SLC7A11: variants seen among roughly 807,000 people sequenced by gnomAD.
SLC7A11 encodes solute carrier family 7 member 11, also known as cystine/glutamate transporter.
A neutral mutation model predicts 54.5 loss-of-function variants in SLC7A11; 35 were observed. The ratio of observed to expected loss-of-function variants is 0.64; its 90% CI spans 0.49 to 0.85. The LOEUF (loss-of-function observed/expected upper bound fraction) is 0.85. Among genes scored for constraint, SLC7A11 ranks in the 40% least tolerant of loss-of-function variants. The pLI, the probability that SLC7A11 is intolerant of heterozygous loss-of-function variation, is 0.00. For synonymous variants in SLC7A11, 230 were observed against 225.2 expected (o/e 1.02, Z -0.19); for missense variants, 583 against 618.1 (o/e 0.94, Z 0.60).
At chr4:138,193,852 AATG>A (rs1213444398) in intron 6 of SLC7A11, among the ~76,000 whole-genome samples, 1 of 152,142 alleles carries the variant, frequency 6.6e-6, no homozygotes. Context: ...CCTAAATATG[AATG>A]ATTATATAGG....
At chr4:138,199,939 G>A (rs1438221409) in intron 6 of SLC7A11, among the ~76,000 whole-genome samples, 3 of 152,038 alleles carry the variant, frequency 2.0e-5, no homozygotes, top group Non-Finnish European at 2.9e-5. Context: ...GCACTGTGAG[G>A]AATAAATAGC....
chr4:138,176,244 T>A (rs1440876433), intron 11 of SLC7A11: 1 of 152,214 alleles, frequency 6.6e-6, no homozygotes, highest in Non-Finnish European at 1.5e-5. Flanking sequence ...TGCTTTTTGC[T>A]ACTCACTTTC....
chr4:138,173,746 C>G (rs1325648800), intron 11 of SLC7A11, among the ~76,000 whole-genome samples: 1 of 151,990 alleles, frequency 6.6e-6, no homozygotes, highest in African/African-American at 2.4e-5. Context: ...CCAGCACAGT[C>G]TCGGTAAATT....
chr4:138,228,355 C>A (rs1737991892), intron 3 of SLC7A11, among the ~76,000 whole-genome samples: 1 of 151,622 alleles, frequency 6.6e-6, no homozygotes, highest in Admixed American at 6.6e-5. Flanking sequence ...TATATAGGGT[C>A]CAATTTCAGG....
chr4:138,232,406 G>C, intron 2 of SLC7A11, 24 bp from the exon 3 acceptor site: 1 of 1,374,774 alleles, frequency 7.3e-7, no homozygotes, highest in East Asian at 2.3e-5. Context: ...TATATATTTA[G>C]GTTAACCACA....
At chr4:138,208,364 C>T (rs1274630069) in intron 6 of SLC7A11, among the ~76,000 whole-genome samples, 1 of 152,048 alleles carries the variant, frequency 6.6e-6, no homozygotes, top group Non-Finnish European at 1.5e-5. Flanking sequence ...GACAAAGTGG[C>T]TAATCTCAGA....
chr4:138,221,322 A>C (rs934326229), intron 4 of SLC7A11, among the ~76,000 whole-genome samples: 2 of 152,216 alleles, frequency 1.3e-5, no homozygotes, highest in African/African-American at 4.8e-5. Flanking sequence ...ACAAACTCTC[A>C]TAAGTGAATA....
intron 10 of SLC7A11, among the ~76,000 whole-genome samples, chr4:138,180,097 T>C (rs1442919599): frequency 1.3e-5 from 2 of 152,106 alleles, no homozygotes; most frequent in South Asian, 2.1e-4. Context: ...GGTAAATGGG[T>C]ATCAAGTGGT....
intron 1 of SLC7A11, among the ~76,000 whole-genome samples, chr4:138,237,737 A>ATATATTTTT (rs1560742768): frequency 2.0e-4 from 2 of 9,828 alleles, no homozygotes; most frequent in Non-Finnish European, 3.3e-4. Context: ...ATATATATAT[A>ATATATTTTT]TTTTTTTTTT....
At chr4:138,198,484 T>C (rs565139892) in intron 6 of SLC7A11, among the ~76,000 whole-genome samples, 60 of 152,310 alleles carry the variant, frequency 3.9e-4, no homozygotes, top group African/African-American at 1.4e-3. Context: ...ATCAAATGAA[T>C]GCATTTTCAA....
rs1302201998 is a variant in SLC7A11 at position 138,230,004 on chromosome 4, CTGT to C, written c.520+2260_520+2262del. On this transcript the variant is annotated intron_variant, in intron 3 of 11. Transcript: ENST00000280612. ...AAGAAAATGGTGAATATAACAATGG[CTGT>C]TAGTTCAGTCCCTTAGTGGAACAGT... 3.9e-5 allele frequency among the ~76,000 whole-genome samples: 6 copies of C among 152,138 alleles called. No individual in the cohort carries two copies. The East Asian group carries it at 1.2e-3, about 29-fold the overall frequency.
rs1323478031 is a variant in SLC7A11, at chr4:138,241,842, C to T, written c.228G>A (p.Val76=). Reference sequence around the variant, plus strand: ...CCGTCCAGATGGTCAGAGACATGCCCACGCTGCCCGTGTTCTGGAGCACGC... The same window carrying T: ...CCGTCCAGATGGTCAGAGACATGCCTACGCTGCCCGTGTTCTGGAGCACGC... ...PKGVLQNTGS[V]GMSLTIWTVC... is the part of the protein sequence containing the mutation. Residue 76 remains valine (V), a synonymous_variant, in exon 1 of 12, where the codon GTG becomes GTA. Coordinates refer to ENST00000280612, the MANE Select transcript of SLC7A11 (RefSeq NM_014331.4). 1.2e-6 allele frequency: 2 copies of T among 1,614,004 alleles called. No individual in the cohort carries two copies. Among genetic ancestry groups the T allele is most frequent in the Non-Finnish European group, 1.7e-6 (2 of 1,180,024 alleles).
chr4:138,212,910 T>C (rs371945622), intron 6 of SLC7A11, among the ~76,000 whole-genome samples: 5 of 152,006 alleles, frequency 3.3e-5, no homozygotes, highest in East Asian at 1.9e-4. Context: ...ATTCTAGTAA[T>C]TGATGTCTTT....
chr4:138,193,572 C>T (rs1052641799), intron 6 of SLC7A11, among the ~76,000 whole-genome samples: 2 of 151,976 alleles, frequency 1.3e-5, no homozygotes, highest in African/African-American at 2.4e-5. Context: ...GAGGCTGAGG[C>T]GGGTGGACCT....
At position 138,226,292 on chromosome 4, in the gene SLC7A11, TG is replaced by T. The variant is rs560833252; in HGVS notation, c.521-2969del. Among the ~76,000 whole-genome samples, 8 of 152,284 alleles carry T rather than the reference TG, an allele frequency of 5.3e-5. No individual in the cohort carries two copies. In the South Asian group the frequency reaches 1.7e-3, roughly 32 times the overall value. ...CTATCATATGATCCAGCAATCCCAT[TG>T]CTGGGTACTTGATTGTGGTGATAGT... On this transcript the variant is annotated intron_variant, in intron 3 of 11. Coordinates refer to ENST00000280612, the MANE Select transcript of SLC7A11 (RefSeq NM_014331.4).
intron 2 of SLC7A11, among the ~76,000 whole-genome samples, chr4:138,234,790 C>T (rs1391949878): frequency 1.3e-5 from 2 of 152,134 alleles, no homozygotes; most frequent in African/African-American, 4.8e-5. Flanking sequence ...GCCAAAGTTA[C>T]ACAACTAATA....
intron 11 of SLC7A11, among the ~76,000 whole-genome samples, chr4:138,178,986 T>C (rs1399343787): frequency 6.6e-6 from 1 of 152,108 alleles, no homozygotes; most frequent in Non-Finnish European, 1.5e-5. Context: ...AAAACAAAGC[T>C]GTTTCTCCTA....
intron 6 of SLC7A11, among the ~76,000 whole-genome samples, chr4:138,197,279 A>T (rs1005132209): frequency 2.1e-4 from 32 of 152,270 alleles, no homozygotes; most frequent in Non-Finnish European, 4.0e-4. Flanking sequence ...GCATGTTTTC[A>T]TTAATACTTC....
At chr4:138,204,769 T>C (rs1373110184) in intron 6 of SLC7A11, among the ~76,000 whole-genome samples, 3 of 151,802 alleles carry the variant, frequency 2.0e-5, no homozygotes, top group Non-Finnish European at 2.9e-5. Flanking sequence ...CTGATTACGA[T>C]GTGTGAGCAT....
Sources: gnomAD v4.1 joint callset for allele counts (sites outside exome capture counted in the v4.1 genomes callset) on GRCh38, gnomAD v4.1.1 for gene constraint, MANE v1.5 for transcripts, NCBI Gene and HGNC (gene_info 2026-07-23, HGNC 2026-07-21) for gene names.